The following TEC variants were observed in gnomAD, a reference collection of about 807,000 sequenced individuals.
The protein encoded by TEC is tyrosine-protein kinase Tec.
A neutral mutation model predicts 93.0 loss-of-function variants in TEC; 72 were observed. That is an observed-to-expected ratio of 0.77 (90% CI 0.64 to 0.94). The LOEUF (loss-of-function observed/expected upper bound fraction) is 0.94. Among genes scored for constraint, TEC ranks in the 40% least tolerant of loss-of-function variants. The pLI is 0.00. For missense variants in TEC, 630 were observed against 757.9 expected (o/e 0.83, Z 1.98); for synonymous variants, 249 against 247.7 (o/e 1.01, Z -0.05).
chr4:48,238,409 A>G (rs540921745), intron 1 of TEC, among the ~76,000 whole-genome samples: 1 of 152,314 alleles, frequency 6.6e-6, no homozygotes, highest in South Asian at 2.1e-4. Context: ...GATCTGCATA[A>G]AACCCTTATC....
chr4:48,182,535 C>CTGTGTGTGTG (rs60434609), intron 2 of TEC, among the ~76,000 whole-genome samples: 4,518 of 147,280 alleles, frequency 0.031, 88 homozygotes, highest in Middle Eastern at 0.052. Context: ...GGGCAATACT[C>CTGTGTGTGTG]TGTGTGTGTG....
At chr4:48,267,167 G>A (rs1336812370) in intron 1 of TEC, among the ~76,000 whole-genome samples, 1 of 152,220 alleles carries the variant, frequency 6.6e-6, no homozygotes, top group African/African-American at 2.4e-5. Context: ...TTTGGCTTCT[G>A]TGCCCACACA....
intron 1 of TEC, among the ~76,000 whole-genome samples, chr4:48,239,656 T>A (rs1010341961): frequency 1.3e-5 from 2 of 152,198 alleles, no homozygotes; most frequent in South Asian, 4.1e-4. Context: ...GAAACATTCA[T>A]CCGTGTCTAT....
intron 2 of TEC, among the ~76,000 whole-genome samples, chr4:48,190,092 G>A (rs1196378706): frequency 1.3e-5 from 2 of 152,176 alleles, no homozygotes; most frequent in South Asian, 2.1e-4. Context: ...GCAATAACAT[G>A]TAAATACTTC....
At chr4:48,211,610 G>A (rs1054650025) in intron 2 of TEC, among the ~76,000 whole-genome samples, 8 of 152,084 alleles carry the variant, frequency 5.3e-5, no homozygotes, top group Admixed American at 5.2e-4. Flanking sequence ...AAATGTCCAG[G>A]AGTCTTCAAC....
At chr4:48,255,726 T>C (rs1290122835) in intron 1 of TEC, among the ~76,000 whole-genome samples, 3 of 152,168 alleles carry the variant, frequency 2.0e-5, no homozygotes, top group African/African-American at 7.2e-5. Context: ...CCTATAGATA[T>C]TGTGGGAGGA....
intron 1 of TEC, among the ~76,000 whole-genome samples, chr4:48,245,403 TAC>T (rs1272035314): frequency 6.6e-6 from 1 of 152,056 alleles, no homozygotes; most frequent in African/African-American, 2.4e-5. Flanking sequence ...TACACGTGTA[TAC>T]ACACATACAC....
intron 15 of TEC, among the ~76,000 whole-genome samples, chr4:48,139,847 C>T: frequency 6.6e-6 from 1 of 152,220 alleles, no homozygotes; most frequent in East Asian, 1.9e-4. Context: ...GCACAAACAT[C>T]CTTTGCTATG....
intron 1 of TEC, among the ~76,000 whole-genome samples, chr4:48,250,480 C>G (rs1191396145): frequency 6.6e-6 from 1 of 152,146 alleles, no homozygotes; most frequent in African/African-American, 2.4e-5. Context: ...ATGGATATAC[C>G]TATGTAACTT....
At chr4:48,211,406 G>T (rs1722892620) in intron 2 of TEC, among the ~76,000 whole-genome samples, 1 of 99,194 alleles carries the variant, frequency 1.0e-5, no homozygotes, top group African/African-American at 4.3e-5. Context: ...TCACTCTGAG[G>T]TTCAAAAAAA....
chr4:48,173,040 A>G (rs1051989285), intron 3 of TEC, among the ~76,000 whole-genome samples: 1 of 152,206 alleles, frequency 6.6e-6, no homozygotes, highest in African/African-American at 2.4e-5. Context: ...CTTTATATGC[A>G]CTGCCTCATA....
chr4:48,267,956 C>T (rs1368305868), intron 1 of TEC, among the ~76,000 whole-genome samples: 2 of 152,236 alleles, frequency 1.3e-5, no homozygotes, highest in Non-Finnish European at 2.9e-5. Flanking sequence ...TCTCCCAGCA[C>T]TCTGGATACC....
At chr4:48,185,495 G>A (rs1721784519) in intron 2 of TEC, among the ~76,000 whole-genome samples, 1 of 152,114 alleles carries the variant, frequency 6.6e-6, no homozygotes, top group Non-Finnish European at 1.5e-5. Context: ...CTTTACCAAG[G>A]ACAAAATTCT....
At chr4:48,227,509 G>A (rs980836116) in intron 2 of TEC, among the ~76,000 whole-genome samples, 168 of 151,938 alleles carry the variant, frequency 1.1e-3, no homozygotes, top group African/African-American at 3.6e-3. Context: ...CGAGTGCGGT[G>A]GCATGCACCT....
intron 2 of TEC, among the ~76,000 whole-genome samples, chr4:48,197,223 T>C (rs1474350324): frequency 6.6e-6 from 1 of 152,222 alleles, no homozygotes; most frequent in East Asian, 1.9e-4. Flanking sequence ...TGCAGTACAA[T>C]GGTTCAGAGC....
In TEC at chr4:48,250,581, G is replaced by A. The variant is rs546599353; in HGVS notation, c.-46+19171C>T. ...TCTACTTCCTCTCTTGCTTCTTTGC[G>A]ATCACCGTGAGAATCCAACTGTCCA... is the stretch of plus-strand genomic sequence containing the variant. On this transcript the variant is annotated intron_variant, in intron 1 of 17. Transcript: ENST00000381501. Among the ~76,000 whole-genome samples the A allele has an allele frequency of 1.2e-4, 19 of 152,238 alleles. 1 individual carries two copies. Among genetic ancestry groups the A allele is most frequent in the African/African-American group, 4.3e-4 (18 of 41,534 alleles).
rs376990180 is a variant in TEC at position 48,269,182 on chromosome 4, T to C, written c.-46+570A>G. On this transcript the variant is annotated intron_variant, in intron 1 of 17. Transcript: ENST00000381501. Reference sequence around the variant, plus strand: ...TGCAACTGCGGAACATCTTGGCCGATACTGCCAAATTTTTTTTTTAATACT... The same window carrying C: ...TGCAACTGCGGAACATCTTGGCCGACACTGCCAAATTTTTTTTTTAATACT... Among the ~76,000 whole-genome samples, 5 of 152,332 alleles carry C rather than the reference T, an allele frequency of 3.3e-5. No homozygotes were observed. In the East Asian group the frequency reaches 7.7e-4, roughly 24 times the overall value.
chr4:48,158,600 G>T (rs1292551201), intron 8 of TEC, among the ~76,000 whole-genome samples: 1 of 152,094 alleles, frequency 6.6e-6, no homozygotes, highest in African/African-American at 2.4e-5. Context: ...GGATTTGAGA[G>T]ACTGAAAAAA....
At chr4:48,239,628 T>C (rs1723873072) in intron 1 of TEC, among the ~76,000 whole-genome samples, 1 of 152,208 alleles carries the variant, frequency 6.6e-6, no homozygotes, top group South Asian at 2.1e-4. Context: ...GGCCACAGTA[T>C]TCTGTTATTT....
Sources: allele counts gnomAD v4.1 joint callset (sites outside exome capture counted in the v4.1 genomes callset), GRCh38; gene constraint gnomAD v4.1.1; transcripts MANE v1.5; gene names NCBI Gene and HGNC (gene_info 2026-07-23, HGNC 2026-07-21).